Variants in GAP43 observed in about 807,000 individuals in gnomAD.
The protein encoded by GAP43 is neuromodulin.
Under a neutral mutation model 18.6 loss-of-function variants are expected in GAP43, and 6 were observed. That is an observed-to-expected ratio of 0.32 (90% CI 0.18 to 0.64). The LOEUF is 0.64. Ranked by LOEUF, GAP43 falls within the 30% of genes least tolerant of loss-of-function variation. The pLI is 0.78. For missense variants in GAP43, 292 were observed against 295.5 expected (o/e 0.99, Z 0.09); for synonymous variants, 115 against 111.4 (o/e 1.03, Z -0.20).
chr3:115,642,406 A>AT (rs138534824), intron 1 of GAP43, among the ~76,000 whole-genome samples: 7,978 of 145,048 alleles, frequency 0.055, 458 homozygotes, highest in South Asian at 0.15. Flanking sequence ...GAAATACAGA[A>AT]TTTTTTTTTT....
intron 1 of GAP43, among the ~76,000 whole-genome samples, chr3:115,627,674 C>G (rs1271412238): frequency 6.6e-6 from 1 of 152,126 alleles, no homozygotes; most frequent in Non-Finnish European, 1.5e-5. Context: ...ATAACCAGGT[C>G]ATCTCAAGAG....
chr3:115,709,862 TATAC>T (rs1012887968), intron 2 of GAP43, among the ~76,000 whole-genome samples: 1 of 151,620 alleles, frequency 6.6e-6, no homozygotes, highest in East Asian at 1.9e-4. Flanking sequence ...TATATATATA[TATAC>T]ACACACATGA....
intron 2 of GAP43, among the ~76,000 whole-genome samples, chr3:115,715,101 C>T (rs1359083356): frequency 6.6e-6 from 1 of 152,128 alleles, no homozygotes; most frequent in Non-Finnish European, 1.5e-5. Flanking sequence ...GATTTAACCA[C>T]CTCCCAAAGA....
At chr3:115,626,049 A>C (rs1708183601) in intron 1 of GAP43, among the ~76,000 whole-genome samples, 1 of 152,234 alleles carries the variant, frequency 6.6e-6, no homozygotes. Context: ...CCATTCAATC[A>C]GACTAAAGGA....
At chr3:115,649,455 G>A (rs1269508150) in intron 1 of GAP43, among the ~76,000 whole-genome samples, 1 of 152,052 alleles carries the variant, frequency 6.6e-6, no homozygotes, top group Non-Finnish European at 1.5e-5. Flanking sequence ...TATTTTTCAA[G>A]GTAGGGAGAA....
At chr3:115,655,958 A>G (rs747734374) in intron 1 of GAP43, among the ~76,000 whole-genome samples, 1 of 152,234 alleles carries the variant, frequency 6.6e-6, no homozygotes, top group Admixed American at 6.5e-5. Flanking sequence ...GGCCTGCCAC[A>G]TGCCTTAGGC....
At chr3:115,670,130 A>G (rs568446546) in intron 1 of GAP43, among the ~76,000 whole-genome samples, 168 of 120,588 alleles carry the variant, frequency 1.4e-3, no homozygotes, top group African/African-American at 5.1e-3. Flanking sequence ...ATATCTCCCA[A>G]TGCTATCCCT....
chr3:115,650,642 C>G (rs1426874895), intron 1 of GAP43, among the ~76,000 whole-genome samples: 1 of 152,184 alleles, frequency 6.6e-6, no homozygotes, highest in Non-Finnish European at 1.5e-5. Flanking sequence ...AGAGACTCAG[C>G]ACTAGAATCT....
At chr3:115,636,705 A>T (rs1320406059) in intron 1 of GAP43, among the ~76,000 whole-genome samples, 2 of 152,098 alleles carry the variant, frequency 1.3e-5, no homozygotes, top group Admixed American at 1.3e-4. Context: ...TACAAGGTTA[A>T]TTCTAATTTA....
chr3:115,625,619 T>C (rs760765841), intron 1 of GAP43, among the ~76,000 whole-genome samples: 11 of 152,150 alleles, frequency 7.2e-5, no homozygotes, highest in Non-Finnish European at 1.6e-4. Context: ...TATGCAAGTA[T>C]ACATACATCT....
chr3:115,663,993 C>G (rs1708700284), intron 1 of GAP43: 1 of 1,384,426 alleles, frequency 7.2e-7, no homozygotes, highest in Non-Finnish European at 9.9e-7. Flanking sequence ...AGCTGTATGA[C>G]TTTGAGCAAA....
At chr3:115,675,253 G>C (rs1168383664) in intron 1 of GAP43, among the ~76,000 whole-genome samples, 1 of 152,124 alleles carries the variant, frequency 6.6e-6, no homozygotes, top group Non-Finnish European at 1.5e-5. Flanking sequence ...AAAATTTTCT[G>C]TAGAGATGGG....
chr3:115,720,682 CT>C, intron 2 of GAP43, 111 bp from the exon 3 acceptor site: 1 of 650,554 alleles, frequency 1.5e-6, no homozygotes, highest in Non-Finnish European at 2.7e-6. Flanking sequence ...AATCTTAATG[CT>C]CTTATGAAAT....
intron 1 of GAP43, among the ~76,000 whole-genome samples, chr3:115,654,762 C>T (rs974736247): frequency 1.3e-5 from 2 of 152,158 alleles, no homozygotes; most frequent in Non-Finnish European, 2.9e-5. Context: ...ATTATATCCA[C>T]TGCTGCAAAG....
intron 1 of GAP43, among the ~76,000 whole-genome samples, chr3:115,645,188 G>A (rs1195736437): frequency 6.6e-6 from 1 of 151,750 alleles, no homozygotes; most frequent in Non-Finnish European, 1.5e-5. Context: ...AAGGATATAG[G>A]GTAAATATAT....
chr3:115,687,921 C>T (rs1289192693), intron 2 of GAP43, among the ~76,000 whole-genome samples: 7 of 152,060 alleles, frequency 4.6e-5, no homozygotes, highest in African/African-American at 1.7e-4. Context: ...AGATACTGCT[C>T]AAATTCTAAA....
chr3:115,668,152 T>C (rs1182773808), intron 1 of GAP43, among the ~76,000 whole-genome samples: 1 of 152,188 alleles, frequency 6.6e-6, no homozygotes, highest in African/African-American at 2.4e-5. Context: ...CTTATACCTA[T>C]GTCTGCTATA....
intron 1 of GAP43, among the ~76,000 whole-genome samples, chr3:115,669,181 G>A (rs1422734333): frequency 2.0e-5 from 3 of 151,994 alleles, no homozygotes; most frequent in African/African-American, 7.3e-5. Context: ...TTATTTTCAA[G>A]TGCTTGTTTA....
intron 2 of GAP43, among the ~76,000 whole-genome samples, chr3:115,688,247 G>A (rs1176510890): frequency 6.6e-6 from 1 of 152,018 alleles, no homozygotes; most frequent in Non-Finnish European, 1.5e-5. Context: ...TCAAGCTCCT[G>A]GCCTCAAGTG....
Sources: allele counts gnomAD v4.1 joint callset (sites outside exome capture counted in the v4.1 genomes callset), GRCh38; gene constraint gnomAD v4.1.1; transcripts MANE v1.5; gene names NCBI Gene and HGNC (gene_info 2026-07-23, HGNC 2026-07-21).